Variants in FGFRL1 observed in about 807,000 individuals in gnomAD.
FGFRL1 encodes fibroblast growth factor receptor like 1.
A neutral mutation model predicts 36.8 loss-of-function variants in FGFRL1; 24 were observed. That is an observed-to-expected ratio of 0.65 (90% CI 0.47 to 0.92). FGFRL1 has a LOEUF of 0.92. FGFRL1 is among the 40% of genes least tolerant of loss of function. The probability of loss-of-function intolerance (pLI) is 0.00; values close to 1 mark genes in which losing one functional copy is unlikely to be tolerated. For synonymous variants in FGFRL1, 422 were observed against 344.1 expected, an observed-to-expected ratio of 1.23 and a Z score of -2.50; for missense variants, 785 against 753.4, an observed-to-expected ratio of 1.04 and a Z score of -0.49.
intron 2 of FGFRL1, among the ~76,000 whole-genome samples, chr4:1,019,936 C>G (rs568756640): frequency 1.3e-5 from 2 of 152,346 alleles, no homozygotes; most frequent in Non-Finnish European, 2.9e-5. Context: ...AGCAGGGAGG[C>G]GCCGTGTCTC....
chr4:1,023,657 G>A lies in FGFRL1; in HGVS notation c.369G>A (p.Gly123=). The A allele has an allele frequency of 6.2e-7, 1 of 1,603,880 alleles. No individual in the cohort carries two copies. The highest frequency in any genetic ancestry group is 8.5e-7 in the Non-Finnish European group (1 of 1,177,234). ...TLVVLDDISP[G]KESLGPDSSS... ...TCTCTGCAGATGACATTAGCCCAGG[G>A]AAGGAGAGCCTGGGGCCCGACAGCT... The change falls in exon 4 of 7, where the codon GGG becomes GGA. Residue 123 remains glycine, a synonymous_variant. Coordinates refer to ENST00000510644, the MANE Select transcript of FGFRL1 (RefSeq NM_001004356.3). The surrounding 1 kb of genome is among the most constrained non-coding windows in gnomAD (Gnocchi z 6.0).
intron 6 of FGFRL1, 24 bp from the exon 7 acceptor site, chr4:1,024,881 C>T (rs781409736): frequency 1.1e-5 from 17 of 1,565,248 alleles, no homozygotes; most frequent in Non-Finnish European, 1.4e-5. Flanking sequence ...CCCCTCCCTA[C>T]CTCCTTTCCT....
At chr4:1,013,006 T>C (rs1489027301) in intron 2 of FGFRL1, among the ~76,000 whole-genome samples, 2 of 152,206 alleles carry the variant, frequency 1.3e-5, no homozygotes, top group African/African-American at 4.8e-5. Flanking sequence ...GGTAATATAC[T>C]TGGTGTCTGG....
rs139909269 is a variant in FGFRL1, at chr4:1,025,711, C to T, written c.*364C>T. On this transcript the variant is annotated 3_prime_UTR_variant, in exon 7 of 7. Transcript: ENST00000510644. ...CTGAACATACACACGCACACCCATG[C>T]GCAGATGTGCTGCCTGGACACACAC... 9.9e-4 allele frequency: 338 copies of T among 339,836 alleles called. No homozygotes were observed. Among genetic ancestry groups the T allele is most frequent in the Admixed American group, 2.2e-3 (48 of 21,536 alleles). The allele number at this position is 339,836 out of a possible 1,614,324, so 21.1% of individuals were successfully genotyped here.
At chr4:1,016,903 G>A (rs1391800921) in intron 2 of FGFRL1, among the ~76,000 whole-genome samples, 1 of 152,142 alleles carries the variant, frequency 6.6e-6, no homozygotes. Context: ...ACTGACTCTG[G>A]GGTTTCCCAC....
In FGFRL1 at chr4:1,023,002, G is replaced by A. The variant is rs971965890; in HGVS notation, c.352+527G>A. Reference sequence around the variant, plus strand: ...CCTCGGGTGGAGCTCCTGGGAGCTGGGCTGGCCCGTTTCTTTTTTTTTTTT... The same window carrying A: ...CCTCGGGTGGAGCTCCTGGGAGCTGAGCTGGCCCGTTTCTTTTTTTTTTTT... On this transcript the variant is annotated intron_variant, in intron 3 of 6. Transcript: ENST00000510644. This position sits in a 1 kb window ranked among gnomAD's most constrained non-coding sequence, Gnocchi z 6.0. 6.6e-6 allele frequency among the ~76,000 whole-genome samples: 1 copy of A among 151,578 alleles called. No homozygotes were observed. The highest frequency in any genetic ancestry group is 1.5e-5 in the Non-Finnish European group (1 of 67,792).
chr4:1,022,485 T>G lies in FGFRL1; in HGVS notation c.352+10T>G. ...ACCCTCGTCGTGCTGGGTTAGTCGC[T>G]GCTGCGGTCAGAGGTCATGGGCTGG... On this transcript the variant is annotated intron_variant, in intron 3 of 6. Coordinates refer to ENST00000510644, the MANE Select transcript of FGFRL1 (RefSeq NM_001004356.3). The G allele has an allele frequency of 1.3e-6, 2 of 1,585,010 alleles. No homozygotes were observed. Among genetic ancestry groups the G allele is most frequent in the South Asian group, 2.3e-5 (2 of 86,674 alleles).
Position 1,025,939 on chromosome 4 carries a change from A to G in FGFRL1, c.*592A>G. On this transcript the variant is annotated 3_prime_UTR_variant, in exon 7 of 7. Transcript: ENST00000510644. ...ACACATGCAGATATGCTGCCTGGAC[A>G]CACACTTCCAGACACACGTGCACAG... 6.1e-6 allele frequency: 1 copy of G among 162,820 alleles called. No individual in the cohort carries two copies. Among genetic ancestry groups the G allele is most frequent in the African/African-American group, 2.4e-5 (1 of 41,348 alleles). The allele number at this position is 162,820 out of a possible 1,614,324, so 10.1% of individuals were successfully genotyped here.
At chr4:1,013,535 CCT>C (rs1491032377) in intron 2 of FGFRL1, among the ~76,000 whole-genome samples, 2 of 131,176 alleles carry the variant, frequency 1.5e-5, no homozygotes, top group Non-Finnish European at 3.3e-5. Flanking sequence ...AGCACCCCCC[CCT>C]ACCCCCCGCC....
chr4:1,012,407 G>A, intron 1 of FGFRL1, 63 bp from the exon 2 acceptor site: 3 of 1,556,722 alleles, frequency 1.9e-6, no homozygotes, highest in Non-Finnish European at 2.6e-6. Flanking sequence ...CCGCGGCCCG[G>A]GACCGGGGAG....
chr4:1,022,090 A>T (rs1265269382), intron 2 of FGFRL1, 113 bp from the exon 3 acceptor site: 4 of 802,854 alleles, frequency 5.0e-6, no homozygotes, highest in African/African-American at 3.6e-5. Context: ...CAGGTGACCC[A>T]GGTGGAGCTC....
upstream of FGFRL1, among the ~76,000 whole-genome samples, chr4:1,011,533 G>T (rs1156967000): frequency 7.5e-5 from 11 of 146,234 alleles, no homozygotes; most frequent in African/African-American, 2.5e-4. Flanking sequence ...GTTTGGCGGC[G>T]GGGCGGGGCA....
Position 1,026,763 on chromosome 4 carries a change from C to G in FGFRL1, c.*1416C>G. 2.3e-6 allele frequency: 1 copy of G among 443,286 alleles called. No individual in the cohort carries two copies. The highest frequency in any genetic ancestry group is 3.3e-4 in the Middle Eastern group (1 of 3,004). 27.5% of individuals were successfully genotyped at this position (443,286 alleles called of 1,614,324 possible). On this transcript the variant is annotated 3_prime_UTR_variant, in exon 7 of 7. Transcript: ENST00000510644. ...TTTCAGCCATGCTGATGACCACACC[C>G]CGTCCAGGCCAGACACCACCCCCCA... is the stretch of plus-strand genomic sequence containing the variant.
At chr4:1,012,384 A>T in intron 1 of FGFRL1, 86 bp from the exon 2 acceptor site, 1 of 1,492,488 alleles carries the variant, frequency 6.7e-7, no homozygotes, top group East Asian at 2.7e-5. Flanking sequence ...GAGGGCGGCC[A>T]GACCCCTGAT....
rs140460823 is a variant in FGFRL1 at position 1,024,351 on chromosome 4, C to A, written c.759C>A (p.Pro253=). 1 of 1,611,020 alleles carries A rather than the reference C, an allele frequency of 6.2e-7. No homozygotes were observed. The highest frequency in any genetic ancestry group is 1.3e-5 in the African/African-American group (1 of 74,890). ...RSKPVLTGTH[P]VNTTVDFGGT... The stretch of plus-strand genomic sequence containing the variant: ...AGCCCGTGCTCACAGGCACGCACCC[C>A]GTGAACACGACGGTGGACTTCGGGG... Residue 253 remains proline, a synonymous_variant, in exon 6 of 7, where the codon CCC becomes CCA. Transcript: ENST00000510644.
chr4:1,024,200 C>T lies in FGFRL1; in HGVS notation c.718+99C>T, dbSNP rs1716367744. The T allele has an allele frequency of 8.6e-6, 7 of 816,622 alleles. No homozygotes were observed. In the South Asian group the frequency reaches 1.6e-4, roughly 19 times the overall value. 50.6% of individuals were successfully genotyped at this position (816,622 alleles called of 1,614,324 possible). ...GGGCGGGGGCGCTGGTGGGCGGGGG[C>T]ACTGGCAGGGCTTGGGGGTGGTGGG... On this transcript the variant is annotated intron_variant, in intron 5 of 6. Coordinates refer to ENST00000510644, the MANE Select transcript of FGFRL1 (RefSeq NM_001004356.3).
Position 1,012,474 on chromosome 4 carries a change from G to C in FGFRL1, c.-12G>C. On this transcript the variant is annotated 5_prime_UTR_variant, in exon 2 of 7. Coordinates refer to ENST00000510644, the MANE Select transcript of FGFRL1 (RefSeq NM_001004356.3). ...CGGCGCCCCCAATGTCCCCAGGTCC[G>C]GACAGGCCGAGATGACGCCGAGCCC... 1 of 1,576,282 alleles carries C rather than the reference G, an allele frequency of 6.3e-7. No homozygotes were observed. Among genetic ancestry groups the C allele is most frequent in the Non-Finnish European group, 8.6e-7 (1 of 1,165,506 alleles).
At chr4:1,010,759 C>T (rs1715539146), upstream of FGFRL1, among the ~76,000 whole-genome samples, 1 of 152,070 alleles carries the variant, frequency 6.6e-6, no homozygotes, top group East Asian at 1.9e-4. Context: ...TGGGCAGGGA[C>T]GGCAGGCGAG....
intron 2 of FGFRL1, among the ~76,000 whole-genome samples, chr4:1,017,829 G>T (rs1715972962): frequency 6.6e-6 from 1 of 152,198 alleles, no homozygotes; most frequent in African/African-American, 2.4e-5. Flanking sequence ...CTGGCCACAG[G>T]AGGGAAGCCG....
Sources: allele counts gnomAD v4.1 joint callset (sites outside exome capture counted in the v4.1 genomes callset), GRCh38; gene constraint gnomAD v4.1.1; non-coding constraint Gnocchi (gnomAD v3.1); transcripts MANE v1.5; gene names NCBI Gene and HGNC (gene_info 2026-07-23, HGNC 2026-07-21).